DNMT3A: variants seen among roughly 807,000 people sequenced by gnomAD.
DNMT3A encodes DNA methyltransferase 3 alpha, also known as DNA (cytosine-5)-methyltransferase 3A.
In DNMT3A, 267 loss-of-function variants were observed where a neutral mutation model predicts 117.6. The ratio of observed to expected loss-of-function variants is 2.27; its 90% CI spans 2.05 to 2.51. DNMT3A has a LOEUF of 2.51. Ranked by LOEUF, DNMT3A falls within the 30% of genes most tolerant of loss-of-function variation. The probability of loss-of-function intolerance (pLI) is 0.00; values close to 1 mark genes in which losing one functional copy is unlikely to be tolerated. For synonymous variants in DNMT3A, 432 were observed against 474.8 expected, an observed-to-expected ratio of 0.91 and a Z score of 1.17; for missense variants, 1,029 against 1,260.2, an observed-to-expected ratio of 0.82 and a Z score of 2.78.
Position 25,240,339 on chromosome 2 carries a change from C to A in DNMT3A, c.2285G>T (p.Gly762Val). The change falls in exon 19 of 23, where the codon GGC becomes GTC. Residue 762 changes from glycine to valine, a missense_variant. Transcript: ENST00000321117. The part of the protein sequence containing the change: ...FWLFENVVAM[G>V]VSDKRDISRF... ...CGAGATGTCCCTCTTGTCACTAACGCCCATGGCCACCACATTCTCAAAGAG... is the reference window on the plus strand; with the variant it reads ...CGAGATGTCCCTCTTGTCACTAACGACCATGGCCACCACATTCTCAAAGAG... The A allele has an allele frequency of 6.2e-7, 1 of 1,614,224 alleles. No individual in the cohort carries two copies.
At chr2:25,244,898 C>T (rs1227416011) in intron 13 of DNMT3A, among the ~76,000 whole-genome samples, 1 of 152,218 alleles carries the variant, frequency 6.6e-6, no homozygotes, top group African/African-American at 2.4e-5. Flanking sequence ...GCACCACCAC[C>T]TTGGGCCTTC....
intron 6 of DNMT3A, among the ~76,000 whole-genome samples, chr2:25,251,537 G>A (rs1180945042): frequency 6.6e-6 from 1 of 152,074 alleles, no homozygotes; most frequent in Non-Finnish European, 1.5e-5. Flanking sequence ...CAGTTGTCCC[G>A]CCTCCACCTC....
chr2:25,291,051 A>AC (rs2032720836), intron 3 of DNMT3A, among the ~76,000 whole-genome samples: 1 of 152,048 alleles, frequency 6.6e-6, no homozygotes, highest in Admixed American at 6.6e-5. Flanking sequence ...AGAAGGAGGC[A>AC]CCCCCACGCC....
At position 25,247,842 on chromosome 2, in the gene DNMT3A, G is replaced by A; in HGVS notation, c.856-93C>T. 6.4e-7 allele frequency: 1 copy of A among 1,559,564 alleles called. No individual in the cohort carries two copies. On this transcript the variant is annotated intron_variant, in intron 7 of 22. Coordinates refer to ENST00000321117, the MANE Select transcript of DNMT3A (RefSeq NM_022552.5). This position sits in a 1 kb window ranked among gnomAD's most constrained non-coding sequence, Gnocchi z 5.6. Reference sequence around the variant, plus strand: ...GGCAACCCCAGCCCTGGGCATCTGGGGGGCAGGACAGCCAGGAGGGAGCTC... The same window carrying A: ...GGCAACCCCAGCCCTGGGCATCTGGAGGGCAGGACAGCCAGGAGGGAGCTC...
In DNMT3A at chr2:25,252,076, C is replaced by T. The variant is rs1675633643; in HGVS notation, c.640-3824G>A. Reference sequence around the variant, plus strand: ...GGGCCAGGCCGGGACGCCGCGGCTGCTGCGGGCCGGGGAGGCATACTTCAC... The same window carrying T: ...GGGCCAGGCCGGGACGCCGCGGCTGTTGCGGGCCGGGGAGGCATACTTCAC... On this transcript the variant is annotated intron_variant, in intron 6 of 22. Coordinates refer to ENST00000321117, the MANE Select transcript of DNMT3A (RefSeq NM_022552.5). The surrounding 1 kb of genome is among the most constrained non-coding windows in gnomAD (Gnocchi z 5.5). 1 of 1,338,210 alleles carries T rather than the reference C, an allele frequency of 7.5e-7. No individual in the cohort carries two copies. Among genetic ancestry groups the T allele is most frequent in the Non-Finnish European group, 1.0e-6 (1 of 987,778 alleles). The allele number at this position is 1,338,210 out of a possible 1,614,324, so 82.9% of individuals were successfully genotyped here.
rs568650580 is a variant in DNMT3A at position 25,282,754 on chromosome 2, T to C, written c.178-43A>G. 5 of 1,500,960 alleles carry C rather than the reference T, an allele frequency of 3.3e-6. No homozygotes were observed. In the East Asian group the frequency reaches 9.4e-5, roughly 28 times the overall value. 93.0% of individuals were successfully genotyped at this position (1,500,960 alleles called of 1,614,324 possible). A position where few individuals can be genotyped will look rare whatever the true frequency, so the allele number is the denominator to read the frequency against. ...ATACACAAGAGGAGGGTTAGATCAGTGGGCTTAGCCTGTTTTGGATCATTG... is the reference window on the plus strand; with the variant it reads ...ATACACAAGAGGAGGGTTAGATCAGCGGGCTTAGCCTGTTTTGGATCATTG... On this transcript the variant is annotated intron_variant, in intron 3 of 22. Transcript: ENST00000321117. The surrounding 1 kb of genome is among the most constrained non-coding windows in gnomAD (Gnocchi z 5.2).
At chr2:25,330,292 G>C (rs1274972674) in intron 1 of DNMT3A, among the ~76,000 whole-genome samples, 2 of 152,222 alleles carry the variant, frequency 1.3e-5, no homozygotes, top group East Asian at 3.8e-4. Flanking sequence ...CAGCATGGCT[G>C]CTTGCACAGG....
chr2:25,315,130 C>T (rs2149430960), intron 1 of DNMT3A, among the ~76,000 whole-genome samples: 1 of 152,286 alleles, frequency 6.6e-6, no homozygotes, highest in East Asian at 1.9e-4. Context: ...TGGGCCCACC[C>T]ACACCCTTCC....
chr2:25,336,207 C>T (rs1371816995), intron 1 of DNMT3A, among the ~76,000 whole-genome samples: 2 of 152,240 alleles, frequency 1.3e-5, no homozygotes, highest in African/African-American at 2.4e-5. Context: ...CACCTCCCCT[C>T]TGGGTTGGTG....
At chr2:25,239,548 GGTTAAT>G in intron 19 of DNMT3A, 1 of 554,142 alleles carries the variant, frequency 1.8e-6, no homozygotes, top group Non-Finnish European at 3.6e-6. Context: ...GGAGCTGAAT[GGTTAAT>G]GTTAATGTAA....
intron 6 of DNMT3A, among the ~76,000 whole-genome samples, chr2:25,262,188 CAA>C (rs533414494): frequency 4.3e-5 from 4 of 93,724 alleles, no homozygotes; most frequent in South Asian, 4.1e-4. Context: ...GACTCCGTCT[CAA>C]AAAAAAAAAA....
At chr2:25,328,126 G>A (rs12987326) in intron 1 of DNMT3A, among the ~76,000 whole-genome samples, 88,595 of 152,058 alleles carry the variant, frequency 0.58, 26,234 homozygotes, top group Non-Finnish European at 0.62. Context: ...ATTTTAAAAA[G>A]TTGATTGTGA....
In DNMT3A at chr2:25,306,674, C is replaced by T. The variant is rs2033798086; in HGVS notation, c.73-6431G>A. On this transcript the variant is annotated intron_variant, in intron 2 of 22. Transcript: ENST00000321117. The surrounding 1 kb of genome is among the most constrained non-coding windows in gnomAD (Gnocchi z 4.1). ...TTCTGGAGGTGCAGGGTGGGCCAGA[C>T]CTCACACCCACGAGCAGCACACCTC... 1.3e-5 allele frequency among the ~76,000 whole-genome samples: 2 copies of T among 152,172 alleles called. No individual in the cohort carries two copies. The highest frequency in any genetic ancestry group is 4.1e-4 in the South Asian group (2 of 4,834).
intron 1 of DNMT3A, among the ~76,000 whole-genome samples, chr2:25,319,249 G>C (rs1281173003): frequency 5.3e-5 from 8 of 151,736 alleles, no homozygotes; most frequent in Admixed American, 5.2e-4. Context: ...CTCCTGACCT[G>C]GTGATCCGCC....
At chr2:25,261,866 T>C (rs1391262140) in intron 6 of DNMT3A, among the ~76,000 whole-genome samples, 1 of 151,890 alleles carries the variant, frequency 6.6e-6, no homozygotes, top group Non-Finnish European at 1.5e-5. Context: ...GTCCCCTCCA[T>C]GAGGACCACC....
rs367909007 is a variant in DNMT3A at position 25,240,672 on chromosome 2, G to C, written c.2141C>G (p.Ser714Cys). 23 of 1,614,058 alleles carry C rather than the reference G, an allele frequency of 1.4e-5. No homozygotes were observed. Among genetic ancestry groups the C allele is most frequent in the Non-Finnish European group, 1.7e-5 (20 of 1,179,998 alleles). The change falls in exon 18 of 23, where the codon TCC becomes TGC. Residue 714 changes from serine to cysteine, a missense_variant. Coordinates refer to ENST00000321117, the MANE Select transcript of DNMT3A (RefSeq NM_022552.5). ...GCCCTTGCGAGCAGGGTTGACGATG[G>C]AGAGGTCATTGCAGGGACTGCCCCC... ...VIGGSPCNDL[S>C]IVNPARKGLY...
chr2:25,246,413 G>T (rs1217739422), intron 10 of DNMT3A, 104 bp from the exon 11 acceptor site: 1 of 1,471,924 alleles, frequency 6.8e-7, no homozygotes, highest in Non-Finnish European at 9.2e-7. Context: ...TCTCCAACTT[G>T]TTCCCACCTC....
chr2:25,292,849 C>T (rs566815722), intron 3 of DNMT3A, among the ~76,000 whole-genome samples: 1 of 152,108 alleles, frequency 6.6e-6, no homozygotes, highest in African/African-American at 2.4e-5. Context: ...TGTGCCGGCG[C>T]GTACCTGCAA....
rs2033802942 is a variant in DNMT3A, at chr2:25,306,791, CAA to C, written c.73-6550_73-6549del. ...TTGAGCACCTACTGTGTACTGGATA[CAA>C]AGATAAACAAATAGGAAACTCGGTT... On this transcript the variant is annotated intron_variant, in intron 2 of 22. Coordinates refer to ENST00000321117, the MANE Select transcript of DNMT3A (RefSeq NM_022552.5). This position sits in a 1 kb window ranked among gnomAD's most constrained non-coding sequence, Gnocchi z 4.1. Among the ~76,000 whole-genome samples, 1 of 152,174 alleles carries C rather than the reference CAA, an allele frequency of 6.6e-6. No individual in the cohort carries two copies. The highest frequency in any genetic ancestry group is 6.5e-5 in the Admixed American group (1 of 15,280).
Sources: gnomAD v4.1 joint callset for allele counts (sites outside exome capture counted in the v4.1 genomes callset) on GRCh38, gnomAD v4.1.1 for gene constraint, Gnocchi (gnomAD v3.1) non-coding constraint, MANE v1.5 for transcripts, NCBI Gene and HGNC (gene_info 2026-07-23, HGNC 2026-07-21) for gene names.